SERGEF: variants seen among roughly 807,000 people sequenced by gnomAD.
The protein encoded by SERGEF is secretion-regulating guanine nucleotide exchange factor.
A neutral mutation model predicts 50.0 loss-of-function variants in SERGEF; 51 were observed. The ratio of observed to expected loss-of-function variants is 1.02; its 90% CI spans 0.81 to 1.29. The LOEUF is 1.29. Ranked by LOEUF, SERGEF falls within the 50% of genes most tolerant of loss-of-function variation. The pLI is 0.00. For missense variants in SERGEF, 521 were observed against 557.0 expected, an observed-to-expected ratio of 0.94 and a Z score of 0.65; for synonymous variants, 205 against 212.4, an observed-to-expected ratio of 0.97 and a Z score of 0.30.
chr11:17,809,389 T>C (rs1271360701), intron 10 of SERGEF, among the ~76,000 whole-genome samples: 1 of 152,216 alleles, frequency 6.6e-6, no homozygotes, highest in Non-Finnish European at 1.5e-5. Context: ...CTTTATTTCA[T>C]AGCCAATTGG....
At chr11:17,918,622 A>G in intron 9 of SERGEF, 1 of 330,254 alleles carries the variant, frequency 3.0e-6, no homozygotes, top group Non-Finnish European at 5.8e-6. Context: ...TAAAGCAGGA[A>G]CAGACACACA....
In SERGEF at chr11:18,004,436, C is replaced by T; in HGVS notation, c.447+5G>A. On this transcript the variant is annotated splice_donor_5th_base_variant and intron_variant, in intron 4 of 10. Transcript: ENST00000265965. ...ATGGGCAAGCTAAATATTAACTGTC[C>T]TCACCTCAATGGCCTGGGGAACCAC... 1.2e-6 allele frequency: 2 copies of T among 1,608,088 alleles called. No homozygotes were observed. Among genetic ancestry groups the T allele is most frequent in the Non-Finnish European group, 8.5e-7 (1 of 1,174,898 alleles).
At chr11:17,983,064 A>T (rs186782319) in intron 8 of SERGEF, among the ~76,000 whole-genome samples, 1 of 152,206 alleles carries the variant, frequency 6.6e-6, no homozygotes, top group Non-Finnish European at 1.5e-5. Context: ...GGTAACACTG[A>T]AGAAAGTAAA....
At chr11:17,896,868 G>GT (rs1308843431) in intron 9 of SERGEF, among the ~76,000 whole-genome samples, 174 of 5,886 alleles carry the variant, frequency 0.03, 31 homozygotes, top group Non-Finnish European at 0.048. Context: ...GAAGGGAAGG[G>GT]AAGGGAAGGG....
intron 10 of SERGEF, chr11:17,846,672 A>G (rs1174758639): frequency 2.2e-6 from 1 of 456,206 alleles, no homozygotes; most frequent in South Asian, 1.5e-5. Flanking sequence ...ACACATGAAC[A>G]CTGTGATCTT....
At chr11:17,835,763 T>G (rs573481722) in intron 10 of SERGEF, among the ~76,000 whole-genome samples, 1 of 152,356 alleles carries the variant, frequency 6.6e-6, no homozygotes, top group African/African-American at 2.4e-5. Context: ...ATCTTGCTGT[T>G]TAATATAACT....
chr11:18,006,342 A>G (rs923491531), intron 3 of SERGEF, among the ~76,000 whole-genome samples: 2 of 151,970 alleles, frequency 1.3e-5, no homozygotes, highest in Non-Finnish European at 2.9e-5. Flanking sequence ...CGCCTGGCTA[A>G]TTTTTGTATT....
At chr11:17,824,920 T>C (rs543330592) in intron 10 of SERGEF, among the ~76,000 whole-genome samples, 19 of 152,366 alleles carry the variant, frequency 1.2e-4, no homozygotes, top group African/African-American at 4.6e-4. Context: ...AAAATGCTTC[T>C]GTCTTGTCTA....
At chr11:17,973,357 T>C (rs1390275089) in intron 8 of SERGEF, among the ~76,000 whole-genome samples, 3 of 152,206 alleles carry the variant, frequency 2.0e-5, no homozygotes, top group Admixed American at 1.3e-4. Context: ...GCCACTGTTA[T>C]GTTAGAAAGC....
At chr11:17,886,613 T>C (rs1284771617) in intron 9 of SERGEF, among the ~76,000 whole-genome samples, 1 of 151,820 alleles carries the variant, frequency 6.6e-6, no homozygotes, top group Non-Finnish European at 1.5e-5. Flanking sequence ...AAAGCGAGAC[T>C]AAAAACAAAA....
intron 3 of SERGEF, 65 bp from the exon 4 acceptor site, chr11:18,004,600 T>C: frequency 8.9e-7 from 1 of 1,119,140 alleles, no homozygotes; most frequent in Non-Finnish European, 1.3e-6. Flanking sequence ...AATGGGTAAA[T>C]GCTGCAGGGT....
intron 9 of SERGEF, among the ~76,000 whole-genome samples, chr11:17,904,359 A>G (rs888648941): frequency 6.6e-6 from 1 of 152,262 alleles, no homozygotes; most frequent in Non-Finnish European, 1.5e-5. Context: ...CCATGACCAA[A>G]GAGGCTGGGA....
intron 9 of SERGEF, among the ~76,000 whole-genome samples, chr11:17,955,737 C>T (rs560255540): frequency 7.9e-5 from 12 of 152,164 alleles, no homozygotes; most frequent in Non-Finnish European, 1.8e-4. Context: ...AGTCCCACAA[C>T]GTAAACTGGA....
At chr11:17,895,117 G>A (rs1851596608) in intron 9 of SERGEF, among the ~76,000 whole-genome samples, 1 of 152,196 alleles carries the variant, frequency 6.6e-6, no homozygotes. Context: ...GAGCTTGGCT[G>A]GGCCACTGCC....
At chr11:17,845,276 G>A (rs1850586357) in intron 10 of SERGEF, among the ~76,000 whole-genome samples, 1 of 152,064 alleles carries the variant, frequency 6.6e-6, no homozygotes, top group Non-Finnish European at 1.5e-5. Context: ...TTTACCTTTG[G>A]GGGCTCAGCT....
intron 6 of SERGEF, among the ~76,000 whole-genome samples, chr11:17,994,552 G>T (rs1362434360): frequency 6.6e-6 from 1 of 151,922 alleles, no homozygotes; most frequent in South Asian, 2.1e-4. Context: ...TTCGGGCAGA[G>T]GTAACAGTTT....
chr11:17,820,345 T>C (rs1329344504), intron 10 of SERGEF, among the ~76,000 whole-genome samples: 1 of 152,106 alleles, frequency 6.6e-6, no homozygotes, highest in East Asian at 1.9e-4. Context: ...TACTGCCTGG[T>C]AATAGCTAGG....
intron 10 of SERGEF, among the ~76,000 whole-genome samples, chr11:17,817,135 TAATAAC>T (rs1213625490): frequency 6.6e-6 from 1 of 152,022 alleles, no homozygotes; most frequent in Non-Finnish European, 1.5e-5. Context: ...CTCATGATAA[TAATAAC>T]AATAACTAAC....
At chr11:17,993,511 C>T (rs1853765057) in intron 6 of SERGEF, among the ~76,000 whole-genome samples, 1 of 152,174 alleles carries the variant, frequency 6.6e-6, no homozygotes, top group African/African-American at 2.4e-5. Flanking sequence ...TAAGAATACA[C>T]AATCAGAACC....
Sources: allele counts gnomAD v4.1 joint callset (sites outside exome capture counted in the v4.1 genomes callset), GRCh38; gene constraint gnomAD v4.1.1; transcripts MANE v1.5; gene names NCBI Gene and HGNC (gene_info 2026-07-23, HGNC 2026-07-21).